ACOT1: variants seen among roughly 807,000 people sequenced by gnomAD.
The protein encoded by ACOT1 is acyl-CoA thioesterase 1, also known as acyl-coenzyme A thioesterase 1.
In ACOT1, 8 loss-of-function variants were observed where a neutral mutation model predicts 15.7. The ratio of observed to expected loss-of-function variants is 0.51; its 90% CI spans 0.30 to 0.92. The LOEUF (loss-of-function observed/expected upper bound fraction) is 0.92, where lower values mean the gene tolerates loss of function less well. Ranked by LOEUF, ACOT1 falls within the 40% of genes least tolerant of loss-of-function variation. The pLI is 0.06. For synonymous variants in ACOT1, 67 were observed against 241.2 expected, an observed-to-expected ratio of 0.28 and a Z score of 6.69; for missense variants, 151 against 539.4, an observed-to-expected ratio of 0.28 and a Z score of 7.13.
At chr14:73,532,816 T>C (rs560154880), upstream of ACOT1, among the ~76,000 whole-genome samples, 31 of 112,102 alleles carry the variant, frequency 2.8e-4, 12 homozygotes, top group East Asian at 0.021. Flanking sequence ...ATTAGCCGGG[T>C]GTGGTGGTGG....
chr14:73,499,054 C>T, the ACOT1 span: 2 of 1,609,246 alleles, frequency 1.2e-6, no homozygotes, highest in East Asian at 4.5e-5. Flanking sequence ...GAGTTTGGGG[C>T]ACTACTTCTA....
chr14:73,517,361 A>G, the ACOT1 span: 12 of 152,210 alleles, frequency 7.9e-5, no homozygotes, highest in Non-Finnish European at 1.6e-4. Context: ...TGTAAATTCA[A>G]GCTCAATAAA....
At chr14:73,501,469 G>A in the ACOT1 span, among the ~76,000 whole-genome samples, 2 of 151,728 alleles carry the variant, frequency 1.3e-5, no homozygotes, top group African/African-American at 4.8e-5. Context: ...TGCCCAGGCT[G>A]GTCTTGAACT....
At chr14:73,514,286 C>CCA in the ACOT1 span, 3 of 1,527,118 alleles carry the variant, frequency 2.0e-6, no homozygotes, top group Admixed American at 5.5e-5. Flanking sequence ...TTAGGCCCTG[C>CCA]CACACAGTGG....
At chr14:73,524,320 T>A in the ACOT1 span, among the ~76,000 whole-genome samples, 1,289 of 125,998 alleles carry the variant, frequency 0.01, 11 homozygotes, top group Non-Finnish European at 0.016. Context: ...AATATATATA[T>A]ATATATATAT....
the ACOT1 span, chr14:73,492,230 C>T: frequency 1.2e-6 from 2 of 1,613,924 alleles, no homozygotes; most frequent in Admixed American, 1.7e-5. This position sits in a 1 kb window ranked among gnomAD's most constrained non-coding sequence, Gnocchi z 4.9. Flanking sequence ...GGGCTTCATT[C>T]ACCAAGCTGA....
chr14:73,493,202 C>T, the ACOT1 span: 1 of 1,148,342 alleles, frequency 8.7e-7, no homozygotes, highest in African/African-American at 1.5e-5. Context: ...GCACCAACTT[C>T]ATCACCTTCA....
the ACOT1 span, chr14:73,530,046 C>T: frequency 7.3e-6 from 1 of 137,348 alleles, no homozygotes; most frequent in African/African-American, 2.6e-5. Flanking sequence ...TCACTGCAGC[C>T]TTGCCTCCCA....
the ACOT1 span, chr14:73,514,082 G>T: frequency 6.2e-7 from 1 of 1,614,172 alleles, no homozygotes; most frequent in Non-Finnish European, 8.5e-7. Flanking sequence ...AGGACCACCA[G>T]TTCCCAGGTC....
chr14:73,536,303 T>TA (rs1888859674), upstream of ACOT1, among the ~76,000 whole-genome samples: 3 of 98,396 alleles, frequency 3.0e-5, no homozygotes, highest in African/African-American at 7.5e-5. Flanking sequence ...TTAAGTTTGA[T>TA]GAAAAAAAAA....
the ACOT1 span, chr14:73,491,909 C>T: frequency 6.2e-7 from 1 of 1,612,932 alleles, no homozygotes; most frequent in Non-Finnish European, 8.5e-7. Flanking sequence ...CTCCCTGCGT[C>T]TCCTCTGTCC....
the ACOT1 span, among the ~76,000 whole-genome samples, chr14:73,510,314 A>G: frequency 2.0e-5 from 3 of 152,186 alleles, no homozygotes; most frequent in African/African-American, 7.2e-5. Context: ...TCAACTAAAC[A>G]GTAAGGTTCA....
the ACOT1 span, chr14:73,496,716 CT>C: frequency 8.6e-7 from 1 of 1,165,758 alleles, no homozygotes; most frequent in East Asian, 2.3e-5. Context: ...TTATTCTACC[CT>C]GCCCTTTAAA....
upstream of ACOT1, among the ~76,000 whole-genome samples, chr14:73,534,584 G>C (rs552408950): frequency 4.3e-4 from 47 of 110,108 alleles, 9 homozygotes; most frequent in African/African-American, 1.3e-3. Context: ...AGGTGCTCGG[G>C]AGGCTGAGGT....
chr14:73,493,229 G>A, the ACOT1 span: 4 of 880,096 alleles, frequency 4.5e-6, no homozygotes, highest in East Asian at 4.9e-5. Flanking sequence ...AGTGTACTGG[G>A]TAACACTGAC....
chr14:73,536,112 G>A (rs1450079005), upstream of ACOT1, among the ~76,000 whole-genome samples: 2 of 114,926 alleles, frequency 1.7e-5, 1 homozygote, highest in Admixed American at 2.0e-4. Context: ...TAATGACATG[G>A]GACATGGGAC....
chr14:73,508,269 T>C, the ACOT1 span: 13 of 1,613,848 alleles, frequency 8.1e-6, no homozygotes, highest in East Asian at 2.2e-5. Context: ...AGCACTGAGC[T>C]GCAGCCCAGC....
chr14:73,526,035 A>G, the ACOT1 span, among the ~76,000 whole-genome samples: 6,078 of 152,090 alleles, frequency 0.04, 154 homozygotes, highest in Middle Eastern at 0.088. Context: ...TCGTATCAAG[A>G]AGAGGCACTG....
chr14:73,506,169 G>A, the ACOT1 span, among the ~76,000 whole-genome samples: 1 of 152,282 alleles, frequency 6.6e-6, no homozygotes, highest in East Asian at 1.9e-4. Flanking sequence ...GATTACAGAT[G>A]TGAGCCACCG....
Sources: allele counts gnomAD v4.1 joint callset (sites outside exome capture counted in the v4.1 genomes callset), GRCh38; gene constraint gnomAD v4.1.1; non-coding constraint Gnocchi (gnomAD v3.1); transcripts MANE v1.5; gene names NCBI Gene and HGNC (gene_info 2026-07-23, HGNC 2026-07-21).